The following CTSH variants were observed in gnomAD, a reference collection of about 807,000 sequenced individuals.
CTSH encodes pro-cathepsin H.
CTSH carries 52 observed loss-of-function variants against 56.3 expected under a neutral mutation model. That is an observed-to-expected ratio of 0.92 (90% CI 0.74 to 1.16). CTSH has a LOEUF of 1.16. CTSH is among the 50% of genes most tolerant of loss of function. The pLI, the probability that CTSH is intolerant of heterozygous loss-of-function variation, is 0.00. For missense variants in CTSH, 406 were observed against 424.5 expected, an observed-to-expected ratio of 0.96 and a Z score of 0.38; for synonymous variants, 174 against 155.7, an observed-to-expected ratio of 1.12 and a Z score of -0.88.
intron 10 of CTSH, 143 bp from the exon 11 acceptor site, chr15:78,923,261 A>G: frequency 2.4e-6 from 2 of 837,940 alleles, no homozygotes; most frequent in Non-Finnish European, 1.9e-6. Context: ...TGATGTAATC[A>G]CATTTAGTCT....
Position 78,939,109 on chromosome 15 carries a change from AAACTTCAAAAAGAAG to A in CTSH, c.123+16_123+30del. On this transcript the variant is annotated intron_variant, in intron 2 of 11. Coordinates refer to ENST00000220166, the MANE Select transcript of CTSH (RefSeq NM_004390.5). ...ATAACAGGAAACTTTGTGAAATGAA[AAACTTCAAAAAGAAG>A]AAGTTGGGCACTGACCTTAGACATC... The A allele has an allele frequency of 6.3e-7, 1 of 1,576,086 alleles. No homozygotes were observed. Among genetic ancestry groups the A allele is most frequent in the Non-Finnish European group, 8.6e-7 (1 of 1,158,034 alleles).
Position 78,921,894 on chromosome 15 carries a change from C to T in CTSH, c.*236G>A. 1.8e-6 allele frequency: 1 copy of T among 547,778 alleles called. No homozygotes were observed. The allele number at this position is 547,778 out of a possible 1,614,324, so 33.9% of individuals were successfully genotyped here. A position where few individuals can be genotyped will look rare whatever the true frequency, so the allele number is the denominator to read the frequency against. ...TATTCGTGGTCCATGTGGTTTGAGT[C>T]TGTTAAGAAGGACACTAAGGCACAT... On this transcript the variant is annotated 3_prime_UTR_variant, in exon 12 of 12. Transcript: ENST00000220166.
rs1355453805 is a variant in CTSH, at chr15:78,921,965, ACTC to A, written c.*162_*164del. The A allele has an allele frequency of 2.4e-5, 15 of 624,704 alleles. 1 individual carries two copies. Among genetic ancestry groups the A allele is most frequent in the Admixed American group, 1.9e-4 (7 of 35,982 alleles). 38.7% of individuals were successfully genotyped at this position (624,704 alleles called of 1,614,324 possible). On this transcript the variant is annotated 3_prime_UTR_variant, in exon 12 of 12. Transcript: ENST00000220166. ...TAGACACGGGTGAGCTCATGGTGGA[ACTC>A]CTCCTTGTCTGTAGGTTTCCAGGCT...
intron 9 of CTSH, chr15:78,927,483 G>A (rs1443693723): frequency 2.8e-5 from 16 of 575,764 alleles, no homozygotes; most frequent in Middle Eastern, 4.6e-4. Flanking sequence ...ATGAAGGCAT[G>A]TGTGGATCTG....
chr15:78,929,284 AACAG>A, intron 8 of CTSH, 124 bp downstream of exon 8: 1 of 759,288 alleles, frequency 1.3e-6, no homozygotes, highest in Admixed American at 2.2e-5. Flanking sequence ...ATTTGGAGAG[AACAG>A]ACAATTGTGA....
chr15:78,932,866 C>G (rs535624328), intron 5 of CTSH, among the ~76,000 whole-genome samples: 2 of 152,172 alleles, frequency 1.3e-5, no homozygotes, highest in Admixed American at 6.5e-5. Context: ...TCACTGGCTC[C>G]TCTTTTCCCT....
At chr15:78,922,304 G>A in intron 11 of CTSH, 99 bp from the exon 12 acceptor site, 1 of 912,162 alleles carries the variant, frequency 1.1e-6, no homozygotes, top group South Asian at 1.4e-5. Flanking sequence ...TCAGGGGTGA[G>A]ACCCTCTAAA....
At chr15:78,940,967 G>C (rs1193070038) in intron 1 of CTSH, among the ~76,000 whole-genome samples, 1 of 151,686 alleles carries the variant, frequency 6.6e-6, no homozygotes, top group Non-Finnish European at 1.5e-5. Flanking sequence ...CTCAAATAAA[G>C]AAAACAAAAC....
At chr15:78,933,727 T>C (rs1225513619) in intron 5 of CTSH, 1 of 291,400 alleles carries the variant, frequency 3.4e-6, no homozygotes, top group African/African-American at 2.2e-5. Context: ...TGTCACTTAC[T>C]TACCTTGGAC....
chr15:78,923,668 T>C (rs534791659), intron 10 of CTSH, among the ~76,000 whole-genome samples: 74 of 152,320 alleles, frequency 4.9e-4, no homozygotes, highest in African/African-American at 1.8e-3. Context: ...CCTGACACTT[T>C]CTACTCCCTC....
chr15:78,931,324 G>T, intron 7 of CTSH, 127 bp downstream of exon 7: 2 of 1,203,118 alleles, frequency 1.7e-6, no homozygotes, highest in Non-Finnish European at 2.4e-6. Context: ...GTACAACAGA[G>T]ACCATTTTGC....
intron 2 of CTSH, 125 bp downstream of exon 2, chr15:78,939,015 G>A (rs1292942616): frequency 1.2e-6 from 1 of 847,696 alleles, no homozygotes; most frequent in East Asian, 2.5e-5. Flanking sequence ...TCAACTTCTG[G>A]AAAGACCCCA....
chr15:78,929,554 G>C, intron 7 of CTSH, 61 bp from the exon 8 acceptor site: 1 of 1,221,932 alleles, frequency 8.2e-7, no homozygotes, highest in Non-Finnish European at 1.2e-6. Flanking sequence ...CGGGGCCCTC[G>C]GGGACTGGCG....
At chr15:78,925,772 A>G in intron 9 of CTSH, 1 of 252,774 alleles carries the variant, frequency 4.0e-6, no homozygotes, top group South Asian at 5.1e-5. Context: ...CCATAAACCC[A>G]GAGTCTACAA....
intron 10 of CTSH, among the ~76,000 whole-genome samples, chr15:78,924,867 T>C (rs1284614471): frequency 1.3e-5 from 2 of 150,064 alleles, no homozygotes; most frequent in African/African-American, 5.0e-5. Context: ...TTTTTTTTTT[T>C]GTATTTTTAG....
chr15:78,937,444 A>G, intron 2 of CTSH, 21 bp from the exon 3 acceptor site: 1 of 1,599,942 alleles, frequency 6.3e-7, no homozygotes, highest in Non-Finnish European at 8.6e-7. Context: ...ACACGCCAGT[A>G]GCAAGTCATG....
Position 78,932,367 on chromosome 15 carries a change from C to T in CTSH, c.492+5G>A. The T allele has an allele frequency of 6.2e-7, 1 of 1,613,782 alleles. No homozygotes were observed. ...GCAGGGGGTCGCCTGTGGCTGATTT[C>T]TTACCAAGGACAGCATCTTTCCGGT... On this transcript the variant is annotated splice_donor_5th_base_variant and intron_variant, in intron 6 of 11. Coordinates refer to ENST00000220166, the MANE Select transcript of CTSH (RefSeq NM_004390.5).
chr15:78,936,128 C>T (rs1171327786), intron 3 of CTSH, among the ~76,000 whole-genome samples: 1 of 151,706 alleles, frequency 6.6e-6, no homozygotes, highest in Non-Finnish European at 1.5e-5. Flanking sequence ...AATTTGGTCT[C>T]TACACAGCCC....
At chr15:78,922,321 C>A in intron 11 of CTSH, 116 bp from the exon 12 acceptor site, 1 of 781,084 alleles carries the variant, frequency 1.3e-6, no homozygotes, top group South Asian at 1.5e-5. Flanking sequence ...TAAATTTATT[C>A]ATAAAACAGT....
Sources: allele counts gnomAD v4.1 joint callset (sites outside exome capture counted in the v4.1 genomes callset), GRCh38; gene constraint gnomAD v4.1.1; transcripts MANE v1.5; gene names NCBI Gene and HGNC (gene_info 2026-07-23, HGNC 2026-07-21).